Variants in OPHN1 observed in about 807,000 individuals in gnomAD.
The protein encoded by OPHN1 is oligophrenin-1.
Under a neutral mutation model 60.7 loss-of-function variants are expected in OPHN1, and 11 were observed. That is an observed-to-expected ratio of 0.18 (90% CI 0.11 to 0.30). OPHN1 has a LOEUF of 0.30. Among genes scored for constraint, OPHN1 ranks in the 10% least tolerant of loss-of-function variants. The pLI, the probability that OPHN1 is intolerant of heterozygous loss-of-function variation, is 1.00. For missense variants in OPHN1, 449 were observed against 611.0 expected (o/e 0.73, Z 2.80); for synonymous variants, 226 against 222.6 (o/e 1.02, Z -0.14).
At chrX:68,201,927 G>C (rs1469432493) in intron 10 of OPHN1, among the ~76,000 whole-genome samples, 1 of 111,418 alleles carries the variant, frequency 9.0e-6, no homozygotes, top group Non-Finnish European at 1.9e-5. Flanking sequence ...GAGACCAGGA[G>C]AAATTGTTCA....
chrX:68,322,491 T>C (rs2078240322), intron 2 of OPHN1, among the ~76,000 whole-genome samples: 2 of 111,967 alleles, frequency 1.8e-5, no homozygotes, highest in South Asian at 7.4e-4. Context: ...TACTATTCAA[T>C]AGTTGCACCA....
intron 2 of OPHN1, among the ~76,000 whole-genome samples, chrX:68,406,620 A>T (rs1396058592): frequency 9.0e-6 from 1 of 111,617 alleles, no homozygotes; most frequent in Non-Finnish European, 1.9e-5. Context: ...TCCAAAAAAA[A>T]AATTAAATTC....
At chrX:68,109,775 T>C (rs1488577137) in intron 18 of OPHN1, among the ~76,000 whole-genome samples, 3 of 111,727 alleles carry the variant, frequency 2.7e-5, no homozygotes, top group Admixed American at 9.5e-5. Context: ...AATTGTAATA[T>C]ATCCCAGAAA....
intron 2 of OPHN1, among the ~76,000 whole-genome samples, chrX:68,380,885 C>G: frequency 8.9e-6 from 1 of 111,869 alleles, no homozygotes; most frequent in Middle Eastern, 4.6e-3. Flanking sequence ...CTTGATAACA[C>G]TTGTTGGTTA....
At chrX:68,149,895 G>A (rs940152840) in intron 15 of OPHN1, among the ~76,000 whole-genome samples, 8 of 111,436 alleles carry the variant, frequency 7.2e-5, no homozygotes, top group African/African-American at 2.6e-4. Context: ...GGCGGAAACA[G>A]CTCAAATGTT....
intron 2 of OPHN1, among the ~76,000 whole-genome samples, chrX:68,328,428 AAAACTTTT>A (rs1569281918): frequency 8.8e-6 from 1 of 113,015 alleles, no homozygotes; most frequent in Non-Finnish European, 1.9e-5. Context: ...GCGCCCAGCC[AAAACTTTT>A]AAACTTTTAA....
At chrX:68,066,540 G>A (rs1172276113) in intron 20 of OPHN1, among the ~76,000 whole-genome samples, 3 of 111,389 alleles carry the variant, frequency 2.7e-5, no homozygotes, top group Non-Finnish European at 5.6e-5. Context: ...AGGTTCTGGG[G>A]TATGGTGAAT....
intron 9 of OPHN1, among the ~76,000 whole-genome samples, chrX:68,209,847 C>A (rs1375314624): frequency 9.0e-6 from 1 of 111,537 alleles, no homozygotes; most frequent in Non-Finnish European, 1.9e-5. Flanking sequence ...TTTCTACTTC[C>A]TTTCCTCTAC....
chrX:68,367,565 C>A (rs752540605), intron 2 of OPHN1, among the ~76,000 whole-genome samples: 1 of 111,088 alleles, frequency 9.0e-6, no homozygotes, highest in East Asian at 2.8e-4. Context: ...GTGATGGTAG[C>A]CTACGTTCCC....
chrX:68,248,442 C>A (rs922965748), intron 5 of OPHN1, among the ~76,000 whole-genome samples: 2 of 111,673 alleles, frequency 1.8e-5, no homozygotes, highest in African/African-American at 6.5e-5. Flanking sequence ...CAGGCAATAA[C>A]AAATGCTAGG....
intron 5 of OPHN1, among the ~76,000 whole-genome samples, chrX:68,266,778 G>A (rs1186287798): frequency 2.7e-5 from 3 of 111,150 alleles, no homozygotes; most frequent in Non-Finnish European, 3.8e-5. Flanking sequence ...GTATTCAGGA[G>A]ACCCATCTCT....
At chrX:68,240,138 G>A (rs753310821) in intron 5 of OPHN1, among the ~76,000 whole-genome samples, 1 of 112,213 alleles carries the variant, frequency 8.9e-6, no homozygotes, top group East Asian at 2.8e-4. Context: ...TATTAGTGGG[G>A]CTCTCCAGTA....
rs553166803 is a variant in OPHN1 at position 68,053,228 on chromosome X, A to T, written c.2324+417T>A. Among the ~76,000 whole-genome samples the T allele has an allele frequency of 2.4e-4, 27 of 112,143 alleles. 1 individual carries two copies. The South Asian group carries it at 8.6e-3, about 36-fold the overall frequency. The stretch of plus-strand genomic sequence containing the variant: ...CAAAGTCATTTTGAAAAAAAATTTA[A>T]ATCATACCCTTTGCTTAAAATAAAA... On this transcript the variant is annotated intron_variant, in intron 22 of 24. Transcript: ENST00000355520.
chrX:68,125,703 A>G (rs752780239), intron 15 of OPHN1, among the ~76,000 whole-genome samples: 1 of 107,938 alleles, frequency 9.3e-6, no homozygotes, highest in South Asian at 4.2e-4. Context: ...TCTAACAGCA[A>G]AGAAAAGTCT....
intron 2 of OPHN1, among the ~76,000 whole-genome samples, chrX:68,348,699 G>C (rs2078391159): frequency 9.0e-6 from 1 of 111,642 alleles, no homozygotes; most frequent in Non-Finnish European, 1.9e-5. Context: ...TTGGTGACAA[G>C]CATTGTGATA....
chrX:68,380,074 G>GT (rs2050894116), intron 2 of OPHN1, among the ~76,000 whole-genome samples: 1 of 111,171 alleles, frequency 9.0e-6, no homozygotes, highest in African/African-American at 3.3e-5. Flanking sequence ...TTTTTTGTTG[G>GT]TAAGCTATTG....
chrX:68,153,135 C>T (rs763120571), intron 15 of OPHN1, among the ~76,000 whole-genome samples: 1 of 105,348 alleles, frequency 9.5e-6, no homozygotes, highest in African/African-American at 3.5e-5. Context: ...CACTTGAACC[C>T]GGGAGGCGGA....
chrX:68,241,849 A>T (rs1046209500), intron 5 of OPHN1, among the ~76,000 whole-genome samples: 4 of 111,614 alleles, frequency 3.6e-5, no homozygotes, highest in Non-Finnish European at 5.6e-5. Flanking sequence ...TGAACTTGGG[A>T]GGCGGAGGTT....
chrX:68,414,183 A>G (rs1239494187), intron 2 of OPHN1, among the ~76,000 whole-genome samples: 1 of 111,990 alleles, frequency 8.9e-6, no homozygotes, highest in South Asian at 3.7e-4. Context: ...TAGAACCACA[A>G]TGATATAACA....
Sources: allele counts gnomAD v4.1 joint callset (sites outside exome capture counted in the v4.1 genomes callset), GRCh38; gene constraint gnomAD v4.1.1; transcripts MANE v1.5; gene names NCBI Gene and HGNC (gene_info 2026-07-23, HGNC 2026-07-21).